The following RBFOX1 variants were observed in gnomAD, a reference collection of about 807,000 sequenced individuals.
RBFOX1 encodes the protein RNA binding fox-1 homolog 1.
Under a neutral mutation model 57.7 loss-of-function variants are expected in RBFOX1, and 8 were observed. The ratio of observed to expected loss-of-function variants is 0.14; its 90% CI spans 0.08 to 0.25. The LOEUF is 0.25. Among genes scored for constraint, RBFOX1 ranks in the 10% least tolerant of loss-of-function variants. The probability of loss-of-function intolerance (pLI) is 1.00; values close to 1 mark genes in which losing one functional copy is unlikely to be tolerated. For synonymous variants in RBFOX1, 326 were observed against 222.4 expected (o/e 1.47, Z -4.15); for missense variants, 611 against 548.5 (o/e 1.11, Z -1.14).
intron 3 of RBFOX1, among the ~76,000 whole-genome samples, chr16:5,700,677 G>T (rs2151481158): frequency 6.6e-6 from 1 of 152,278 alleles, no homozygotes; most frequent in African/African-American, 2.4e-5. Flanking sequence ...TTCTGTTATT[G>T]TTTTTGCCCG....
intron 2 of RBFOX1, among the ~76,000 whole-genome samples, chr16:5,574,897 C>T (rs994579358): frequency 3.2e-4 from 48 of 152,084 alleles, no homozygotes; most frequent in Admixed American, 1.2e-3. Flanking sequence ...GGATGGTGGC[C>T]GCCCAGACAC....
intron 3 of RBFOX1, among the ~76,000 whole-genome samples, chr16:6,736,765 G>T (rs755348294): frequency 6.6e-6 from 1 of 152,204 alleles, no homozygotes; most frequent in Non-Finnish European, 1.5e-5. Flanking sequence ...AGGACAGGTT[G>T]TGATTTGTAG....
At chr16:5,926,879 C>T (rs1471688522) in intron 4 of RBFOX1, among the ~76,000 whole-genome samples, 2 of 152,110 alleles carry the variant, frequency 1.3e-5, no homozygotes, top group African/African-American at 4.8e-5. Flanking sequence ...TTATTAGCTC[C>T]ATTTTCTAGA....
chr16:6,042,672 G>A (rs770198511), intron 1 of RBFOX1, among the ~76,000 whole-genome samples: 2 of 152,104 alleles, frequency 1.3e-5, no homozygotes, highest in African/African-American at 4.8e-5. Flanking sequence ...AGTCTCTGGT[G>A]GTCCTAAGAA....
intron 4 of RBFOX1, among the ~76,000 whole-genome samples, chr16:7,217,770 A>C (rs2092334194): frequency 6.6e-6 from 1 of 152,234 alleles, no homozygotes; most frequent in Non-Finnish European, 1.5e-5. Context: ...CATCAGAAAG[A>C]ACATTTTTAT....
At chr16:6,726,668 C>G (rs1385885312) in intron 3 of RBFOX1, among the ~76,000 whole-genome samples, 2 of 152,148 alleles carry the variant, frequency 1.3e-5, no homozygotes, top group East Asian at 1.9e-4. Flanking sequence ...AACTAGCTTG[C>G]TGATCAGCGT....
intron 3 of RBFOX1, among the ~76,000 whole-genome samples, chr16:7,050,857 T>C (rs1006453398): frequency 6.6e-6 from 1 of 152,210 alleles, no homozygotes; most frequent in Non-Finnish European, 1.5e-5. Context: ...TGCCTCTGCA[T>C]ATTTTTTTAA....
chr16:7,255,161 A>G (rs1443469977), intron 4 of RBFOX1, among the ~76,000 whole-genome samples: 1 of 152,192 alleles, frequency 6.6e-6, no homozygotes, highest in Non-Finnish European at 1.5e-5. Context: ...AAATAGAAAG[A>G]TAGTTTCTAT....
At chr16:5,506,303 C>A (rs1262821796) in intron 2 of RBFOX1, among the ~76,000 whole-genome samples, 1 of 152,240 alleles carries the variant, frequency 6.6e-6, no homozygotes, top group Non-Finnish European at 1.5e-5. Flanking sequence ...TGGCAGCCTG[C>A]AGGCACAGAG....
chr16:7,256,784 C>T (rs978509013), intron 4 of RBFOX1, among the ~76,000 whole-genome samples: 4 of 152,112 alleles, frequency 2.6e-5, no homozygotes, highest in Non-Finnish European at 5.9e-5. Context: ...CATTTAACTT[C>T]GAATCTTGGA....
intron 4 of RBFOX1, among the ~76,000 whole-genome samples, chr16:7,158,617 T>C (rs1442375179): frequency 6.6e-6 from 1 of 151,874 alleles, no homozygotes; most frequent in Non-Finnish European, 1.5e-5. Flanking sequence ...TGTGTTTGTA[T>C]GATGTGTCTG....
At chr16:5,732,980 G>A (rs1761921473) in intron 3 of RBFOX1, among the ~76,000 whole-genome samples, 1 of 152,134 alleles carries the variant, frequency 6.6e-6, no homozygotes, top group African/African-American at 2.4e-5. Context: ...AATGTTCCAT[G>A]TTTTTATTGC....
At chr16:7,545,416 C>T (rs2084182634) in intron 5 of RBFOX1, among the ~76,000 whole-genome samples, 1 of 152,132 alleles carries the variant, frequency 6.6e-6, no homozygotes, top group African/African-American at 2.4e-5. Flanking sequence ...ATCTCACCTC[C>T]CTGTCCAACA....
At chr16:6,244,623 C>T (rs2097559130) in intron 1 of RBFOX1, among the ~76,000 whole-genome samples, 1 of 152,200 alleles carries the variant, frequency 6.6e-6, no homozygotes, top group African/African-American at 2.4e-5. Flanking sequence ...AATTCTCCTG[C>T]CTCAGCCTCC....
intron 4 of RBFOX1, among the ~76,000 whole-genome samples, chr16:7,140,234 C>T (rs1217153889): frequency 8.5e-6 from 1 of 117,324 alleles, no homozygotes; most frequent in South Asian, 3.4e-4. Context: ...TCTGAATGGA[C>T]AAATAAATTT....
chr16:6,987,635 A>G (rs1036989480), intron 3 of RBFOX1, among the ~76,000 whole-genome samples: 7 of 152,190 alleles, frequency 4.6e-5, no homozygotes, highest in African/African-American at 1.4e-4. Context: ...CCGTTGAAAT[A>G]TAGCTCATGA....
chr16:6,720,778 A>G (rs1276705097), intron 3 of RBFOX1, among the ~76,000 whole-genome samples: 1 of 152,150 alleles, frequency 6.6e-6, no homozygotes, highest in African/African-American at 2.4e-5. Flanking sequence ...TTATTCTTCA[A>G]ATAGGTGATA....
At chr16:6,035,064 C>T (rs1279652485) in intron 1 of RBFOX1, among the ~76,000 whole-genome samples, 1 of 149,220 alleles carries the variant, frequency 6.7e-6, no homozygotes, top group African/African-American at 2.5e-5. Flanking sequence ...CTGTCCTGTA[C>T]ACTGTAGGAT....
intron 4 of RBFOX1, among the ~76,000 whole-genome samples, chr16:7,280,394 A>C (rs2095518069): frequency 6.6e-6 from 1 of 152,234 alleles, no homozygotes; most frequent in Non-Finnish European, 1.5e-5. Flanking sequence ...AAAGACATGC[A>C]CAGTATCTGC....
Sources: allele counts gnomAD v4.1 joint callset (sites outside exome capture counted in the v4.1 genomes callset), GRCh38; gene constraint gnomAD v4.1.1; transcripts MANE v1.5; gene names NCBI Gene and HGNC (gene_info 2026-07-23, HGNC 2026-07-21).